Variants in NBAS observed in about 807,000 individuals in gnomAD.
NBAS encodes the protein NBAS subunit of NRZ tethering complex.
In NBAS, 219 loss-of-function variants were observed where a neutral mutation model predicts 302.5. That is an observed-to-expected ratio of 0.72 (90% confidence interval 0.65 to 0.81). The LOEUF is 0.81. Among genes scored for constraint, NBAS ranks in the 30% least tolerant of loss-of-function variants. NBAS has a pLI of 0.00. For missense variants in NBAS, 2,932 were observed against 2,841.6 expected (o/e 1.03, Z -0.72); for synonymous variants, 1,118 against 1,021.6 (o/e 1.09, Z -1.80).
the NBAS span, among the ~76,000 whole-genome samples, chr2:14,876,077 G>A: frequency 6.6e-6 from 1 of 152,110 alleles, no homozygotes; most frequent in African/African-American, 2.4e-5. Flanking sequence ...CTTTAAAGAT[G>A]GGATTGACCT....
chr2:15,268,518 T>A (rs1020433597), intron 44 of NBAS, among the ~76,000 whole-genome samples: 3 of 152,192 alleles, frequency 2.0e-5, no homozygotes, highest in African/African-American at 7.2e-5. Flanking sequence ...TGTTTGATTT[T>A]TTAAAATGTG....
chr2:15,470,589 G>A (rs1353172764), intron 16 of NBAS, among the ~76,000 whole-genome samples: 1 of 152,088 alleles, frequency 6.6e-6, no homozygotes, highest in Non-Finnish European at 1.5e-5. Flanking sequence ...CATACCATCT[G>A]TCCTGTTAAG....
the NBAS span, among the ~76,000 whole-genome samples, chr2:15,135,662 T>C: frequency 4.0e-5 from 6 of 151,722 alleles, no homozygotes; most frequent in East Asian, 1.9e-4. Context: ...GGTAGTGGAG[T>C]TGCTGCTTTC....
the NBAS span, among the ~76,000 whole-genome samples, chr2:15,120,318 A>G: frequency 2.0e-5 from 3 of 152,182 alleles, no homozygotes; most frequent in African/African-American, 7.2e-5. Flanking sequence ...CAACAAACCT[A>G]CAATGTGGAT....
intron 48 of NBAS, among the ~76,000 whole-genome samples, chr2:15,207,484 T>C (rs534369133): frequency 3.9e-5 from 6 of 152,142 alleles, no homozygotes; most frequent in Non-Finnish European, 5.9e-5. Context: ...GAAGGCATAT[T>C]GGTTTTGAAA....
the NBAS span, among the ~76,000 whole-genome samples, chr2:14,861,630 C>G: frequency 6.6e-6 from 1 of 152,198 alleles, no homozygotes; most frequent in South Asian, 2.1e-4. Context: ...ATGATGCTAT[C>G]CCCTCAATAA....
rs748273369 is a variant in NBAS at position 15,292,614 on chromosome 2, G to A, written c.4950C>T (p.Gly1650=). The A allele has an allele frequency of 1.2e-6, 2 of 1,614,130 alleles. No individual in the cohort carries two copies. Among genetic ancestry groups the A allele is most frequent in the Non-Finnish European group, 1.7e-6 (2 of 1,180,040 alleles). The change falls in exon 41 of 52, where the codon GGC becomes GGT. Residue 1650 remains glycine, a synonymous_variant. Coordinates refer to ENST00000281513, the MANE Select transcript of NBAS (RefSeq NM_015909.4). ...LDFTQAQILQ[G]LRKGVDVQRF... Reference sequence around the variant, plus strand: ...GCTGCACGTCCACACCCTTCCGAAGGCCCTGAAGGATCTGCGCCTGAGTGA... The same window carrying A: ...GCTGCACGTCCACACCCTTCCGAAGACCCTGAAGGATCTGCGCCTGAGTGA...
At chr2:15,310,270 A>G (rs1671216646) in intron 38 of NBAS, among the ~76,000 whole-genome samples, 1 of 152,222 alleles carries the variant, frequency 6.6e-6, no homozygotes, top group African/African-American at 2.4e-5. Flanking sequence ...TTTCCTGTGG[A>G]TGATTCACAG....
rs559034020 is a variant in NBAS, at chr2:15,509,698, T to C, written c.885+1514A>G. Among the ~76,000 whole-genome samples the C allele has an allele frequency of 3.9e-5, 6 of 152,356 alleles. No homozygotes were observed. In the East Asian group the frequency reaches 9.6e-4, roughly 24 times the overall value. On this transcript the variant is annotated intron_variant, in intron 10 of 51. Transcript: ENST00000281513. The stretch of plus-strand genomic sequence containing the variant: ...TTTAGAACATAATTTGAAATCAATA[T>C]ATTTTTTGACAAATTCATTATCAAA...
At chr2:15,440,770 C>A (rs555068930) in intron 21 of NBAS, among the ~76,000 whole-genome samples, 8 of 152,086 alleles carry the variant, frequency 5.3e-5, no homozygotes, top group East Asian at 1.9e-4. Context: ...AAAATTTAGA[C>A]GAATGTATAA....
At chr2:15,277,161 T>A (rs75287593) in intron 42 of NBAS, 60 bp from the exon 43 acceptor site, 772,794 of 1,590,338 alleles carry the variant, frequency 0.49, 197,810 homozygotes, top group African/African-American at 0.86. Context: ...AAGTGATTTT[T>A]TTTTTAACCA....
At chr2:15,283,740 T>C (rs562841394) in intron 42 of NBAS, among the ~76,000 whole-genome samples, 1 of 152,252 alleles carries the variant, frequency 6.6e-6, no homozygotes, top group Admixed American at 6.5e-5. Context: ...CACAACCCTC[T>C]AAGGTGAGGA....
the NBAS span, among the ~76,000 whole-genome samples, chr2:15,022,160 T>C: frequency 6.6e-6 from 1 of 152,126 alleles, no homozygotes; most frequent in Non-Finnish European, 1.5e-5. Flanking sequence ...AAGAGGCAGA[T>C]AAGGGTGAGG....
chr2:15,195,610 G>A (rs1291512282), intron 48 of NBAS, among the ~76,000 whole-genome samples: 1 of 152,108 alleles, frequency 6.6e-6, no homozygotes. Flanking sequence ...TGACCATCAG[G>A]TGATGGTCAA....
the NBAS span, among the ~76,000 whole-genome samples, chr2:14,995,813 C>T: frequency 2.0e-5 from 3 of 152,084 alleles, no homozygotes; most frequent in Non-Finnish European, 2.9e-5. Flanking sequence ...CCTTGAACTC[C>T]CAGGCTCATG....
intron 35 of NBAS, among the ~76,000 whole-genome samples, chr2:15,344,477 G>A (rs1037377453): frequency 2.0e-5 from 3 of 151,934 alleles, no homozygotes; most frequent in Non-Finnish European, 4.4e-5. Context: ...GGTGAATCCC[G>A]GAAATAGACC....
At chr2:15,409,526 C>A (rs748613728) in intron 25 of NBAS, among the ~76,000 whole-genome samples, 19 of 152,162 alleles carry the variant, frequency 1.2e-4, no homozygotes, top group African/African-American at 3.1e-4. Context: ...GATTTCAATT[C>A]TTTAATTGTA....
chr2:15,138,753 ACT>A, the NBAS span, among the ~76,000 whole-genome samples: 1 of 152,178 alleles, frequency 6.6e-6, no homozygotes, highest in South Asian at 2.1e-4. Context: ...ATTTCTTCAG[ACT>A]CTGAATGTAT....
chr2:15,388,374 T>C (rs924975952), intron 28 of NBAS, among the ~76,000 whole-genome samples: 1 of 150,774 alleles, frequency 6.6e-6, no homozygotes, highest in Non-Finnish European at 1.5e-5. Context: ...TCACTAGTCA[T>C]GTAAGAAATG....
Sources: gnomAD v4.1 joint callset for allele counts (sites outside exome capture counted in the v4.1 genomes callset) on GRCh38, gnomAD v4.1.1 for gene constraint, MANE v1.5 for transcripts, NCBI Gene and HGNC (gene_info 2026-07-23, HGNC 2026-07-21) for gene names.